The following DOCK1 variants were observed in gnomAD, a reference collection of about 807,000 sequenced individuals.
DOCK1 encodes the protein dedicator of cytokinesis 1, also known as dedicator of cytokinesis protein 1.
A neutral mutation model predicts 262.7 loss-of-function variants in DOCK1; 138 were observed. That is an observed-to-expected ratio of 0.53 (90% confidence interval 0.46 to 0.61). DOCK1 has a LOEUF of 0.61. DOCK1 is among the 20% of genes least tolerant of loss of function. The pLI, the probability that DOCK1 is intolerant of heterozygous loss-of-function variation, is 0.00. For synonymous variants in DOCK1, 866 were observed against 867.4 expected (o/e 1.00, Z 0.03); for missense variants, 1,908 against 2,370.7 (o/e 0.80, Z 4.05).
At chr10:127,097,809 T>A (rs1322264026) in intron 23 of DOCK1, among the ~76,000 whole-genome samples, 1 of 152,056 alleles carries the variant, frequency 6.6e-6, no homozygotes, top group Non-Finnish European at 1.5e-5. Flanking sequence ...AGGCGAAGAG[T>A]AAAGAAAGCT....
intron 23 of DOCK1, among the ~76,000 whole-genome samples, chr10:127,094,582 C>T (rs1416750652): frequency 2.0e-5 from 3 of 152,294 alleles, no homozygotes; most frequent in Non-Finnish European, 2.9e-5. Context: ...TGAGGGTGGA[C>T]GGGTGCACGC....
chr10:127,131,041 T>C (rs2050293928), intron 27 of DOCK1, among the ~76,000 whole-genome samples: 1 of 152,284 alleles, frequency 6.6e-6, no homozygotes, highest in East Asian at 1.9e-4. Flanking sequence ...TAGGTGCCCA[T>C]TTCCTGAAGG....
chr10:127,443,735 A>C (rs2070344614), intron 49 of DOCK1, among the ~76,000 whole-genome samples: 1 of 152,128 alleles, frequency 6.6e-6, no homozygotes, highest in Admixed American at 6.5e-5. Context: ...CCTGATCAGC[A>C]TGTAGCTAGT....
At chr10:127,426,519 C>T (rs2068826595) in intron 47 of DOCK1, among the ~76,000 whole-genome samples, 2 of 152,156 alleles carry the variant, frequency 1.3e-5, no homozygotes, top group African/African-American at 2.4e-5. Flanking sequence ...GAAGATTTAC[C>T]TATTGTAGGA....
At chr10:127,067,345 T>TG (rs2045937489) in intron 23 of DOCK1, among the ~76,000 whole-genome samples, 1 of 152,182 alleles carries the variant, frequency 6.6e-6, no homozygotes, top group Non-Finnish European at 1.5e-5. Flanking sequence ...TATTACTACC[T>TG]TCCCTTAGGA....
intron 29 of DOCK1, among the ~76,000 whole-genome samples, chr10:127,280,723 C>G (rs1478332292): frequency 6.6e-6 from 1 of 152,202 alleles, no homozygotes; most frequent in Non-Finnish European, 1.5e-5. Context: ...TGCCACCATT[C>G]TTCACTGTGT....
intron 47 of DOCK1, among the ~76,000 whole-genome samples, chr10:127,428,433 C>T (rs116480584): frequency 0.013 from 1,935 of 148,434 alleles, 40 homozygotes; most frequent in African/African-American, 0.041. Flanking sequence ...ATTGGGGTGC[C>T]GTGTGAATTG....
At chr10:127,325,171 A>G (rs1050395452) in intron 29 of DOCK1, among the ~76,000 whole-genome samples, 10 of 152,190 alleles carry the variant, frequency 6.6e-5, no homozygotes, top group Non-Finnish European at 1.5e-4. Flanking sequence ...ATTTCTAACT[A>G]TTATTATTCT....
chr10:127,334,940 G>A (rs996934186), intron 29 of DOCK1, among the ~76,000 whole-genome samples: 12 of 152,092 alleles, frequency 7.9e-5, no homozygotes, highest in African/African-American at 2.2e-4. Flanking sequence ...GAATCCCACC[G>A]CAGAAAACCT....
At chr10:126,949,510 T>C (rs1296784316) in intron 1 of DOCK1, among the ~76,000 whole-genome samples, 1 of 152,226 alleles carries the variant, frequency 6.6e-6, no homozygotes, top group East Asian at 1.9e-4. Context: ...TGTGAATTCC[T>C]TTTTCCCAGG....
At chr10:127,293,579 CT>C (rs1205056264) in intron 29 of DOCK1, among the ~76,000 whole-genome samples, 3 of 152,196 alleles carry the variant, frequency 2.0e-5, no homozygotes, top group Admixed American at 6.5e-5. Flanking sequence ...ATGCTTCCCC[CT>C]GACCCCATCC....
At chr10:127,358,417 A>G (rs533061182) in intron 32 of DOCK1, among the ~76,000 whole-genome samples, 5 of 152,246 alleles carry the variant, frequency 3.3e-5, no homozygotes, top group East Asian at 1.9e-4. Flanking sequence ...AAAAGGGGGG[A>G]AAATGTGCTT....
chr10:127,176,617 CA>C lies in DOCK1; in HGVS notation c.2847+48854del, dbSNP rs1384147050. 6.6e-6 allele frequency among the ~76,000 whole-genome samples: 1 copy of C among 152,136 alleles called. No individual in the cohort carries two copies. Among genetic ancestry groups the C allele is most frequent in the Non-Finnish European group, 1.5e-5 (1 of 68,040 alleles). On this transcript the variant is annotated intron_variant, in intron 27 of 51. Coordinates refer to ENST00000623213, the MANE Select transcript of DOCK1 (RefSeq NM_001290223.2). The surrounding 1 kb of genome is among the most constrained non-coding windows in gnomAD (Gnocchi z 4.4). ...AGATATTAAAGCCTGCTTGCTTTTC[CA>C]GGTGGGATACACTCGCTTTCCTTTT...
At chr10:127,155,912 T>C (rs1323556622) in intron 27 of DOCK1, among the ~76,000 whole-genome samples, 1 of 152,146 alleles carries the variant, frequency 6.6e-6, no homozygotes, top group East Asian at 1.9e-4. Context: ...ACTGTTGGCT[T>C]GGGTGGCAGA....
At chr10:127,112,612 A>G (rs1157520667) in intron 25 of DOCK1, among the ~76,000 whole-genome samples, 1 of 152,206 alleles carries the variant, frequency 6.6e-6, no homozygotes, top group African/African-American at 2.4e-5. Context: ...CTTTTTAAGT[A>G]CGGAATTAGG....
chr10:127,155,380 G>A (rs766597134), intron 27 of DOCK1, among the ~76,000 whole-genome samples: 2 of 152,066 alleles, frequency 1.3e-5, no homozygotes, highest in Non-Finnish European at 2.9e-5. Context: ...ACCATATTCT[G>A]CTCCAAAGTG....
intron 27 of DOCK1, among the ~76,000 whole-genome samples, chr10:127,203,816 G>A (rs1255264179): frequency 1.3e-5 from 2 of 151,758 alleles, no homozygotes; most frequent in South Asian, 2.1e-4. Flanking sequence ...CCCTCACTTC[G>A]GGGTTCTCAT....
chr10:127,009,137 C>G (rs2041242177), intron 11 of DOCK1, among the ~76,000 whole-genome samples: 2 of 152,138 alleles, frequency 1.3e-5, no homozygotes, highest in African/African-American at 2.4e-5. Flanking sequence ...ATTTTCAAAG[C>G]ACAATACTTC....
At chr10:126,944,675 C>T (rs959295442) in intron 1 of DOCK1, among the ~76,000 whole-genome samples, 2 of 151,962 alleles carry the variant, frequency 1.3e-5, no homozygotes, top group African/African-American at 2.4e-5. Context: ...AGGGTGCCCT[C>T]GGCTCTGCAG....
Sources: gnomAD v4.1 joint callset for allele counts (sites outside exome capture counted in the v4.1 genomes callset) on GRCh38, gnomAD v4.1.1 for gene constraint, Gnocchi (gnomAD v3.1) non-coding constraint, MANE v1.5 for transcripts, NCBI Gene and HGNC (gene_info 2026-07-23, HGNC 2026-07-21) for gene names.